REDIC1: variants seen among roughly 807,000 people sequenced by gnomAD.
The protein encoded by REDIC1 is HEI10 Interacting Protein 1.
chr12:39,657,644 C>T, the REDIC1 span, among the ~76,000 whole-genome samples: 1 of 152,024 alleles, frequency 6.6e-6, no homozygotes, highest in Non-Finnish European at 1.5e-5. Flanking sequence ...ATTTTGTCTA[C>T]CTTGTAGAAT....
At chr12:39,772,227 A>G in the REDIC1 span, among the ~76,000 whole-genome samples, 1 of 152,274 alleles carries the variant, frequency 6.6e-6, no homozygotes, top group Non-Finnish European at 1.5e-5. Context: ...ATGAGTTTGT[A>G]TCTCAGTTCT....
At chr12:39,678,625 A>G in the REDIC1 span, among the ~76,000 whole-genome samples, 4 of 48,012 alleles carry the variant, frequency 8.3e-5, no homozygotes, top group African/African-American at 2.8e-4. Context: ...AGGAAAAGGC[A>G]TAACAAAAAA....
the REDIC1 span, among the ~76,000 whole-genome samples, chr12:39,885,562 C>T: frequency 6.6e-6 from 1 of 152,100 alleles, no homozygotes; most frequent in African/African-American, 2.4e-5. Flanking sequence ...TTACAAAAAA[C>T]TTTCTCTGAA....
chr12:39,703,256 G>A, the REDIC1 span, among the ~76,000 whole-genome samples: 1 of 150,578 alleles, frequency 6.6e-6, no homozygotes, highest in African/African-American at 2.4e-5. Flanking sequence ...CAAAATCAAT[G>A]TACAAAAATC....
chr12:39,807,040 A>G, the REDIC1 span, among the ~76,000 whole-genome samples: 1 of 152,232 alleles, frequency 6.6e-6, no homozygotes, highest in Non-Finnish European at 1.5e-5. Flanking sequence ...AAAAAAACAC[A>G]TTAGGTTGGT....
At chr12:39,685,766 T>G in the REDIC1 span, among the ~76,000 whole-genome samples, 2 of 152,188 alleles carry the variant, frequency 1.3e-5, no homozygotes, top group African/African-American at 4.8e-5. Flanking sequence ...ACAAGGCAAG[T>G]CTCTTCCATC....
the REDIC1 span, among the ~76,000 whole-genome samples, chr12:39,643,166 C>A: frequency 4.6e-5 from 7 of 151,130 alleles, no homozygotes; most frequent in African/African-American, 1.7e-4. Flanking sequence ...ATGATGTAAC[C>A]TGAAAGAAAA....
chr12:39,883,003 A>G, the REDIC1 span, among the ~76,000 whole-genome samples: 313 of 152,218 alleles, frequency 2.1e-3, no homozygotes, highest in Non-Finnish European at 3.3e-3. Context: ...CTTAGTGTTT[A>G]TTTACATGAA....
chr12:39,793,962 G>T, the REDIC1 span, among the ~76,000 whole-genome samples: 1 of 151,630 alleles, frequency 6.6e-6, no homozygotes, highest in African/African-American at 2.4e-5. Context: ...GTCCACCTTG[G>T]CCAAGAAGAG....
chr12:39,834,871 A>C, the REDIC1 span, among the ~76,000 whole-genome samples: 1 of 152,094 alleles, frequency 6.6e-6, no homozygotes, highest in African/African-American at 2.4e-5. Flanking sequence ...ACAAAACTTT[A>C]AATATCCTGG....
chr12:39,877,119 CTGTT>C, the REDIC1 span, among the ~76,000 whole-genome samples: 2 of 152,112 alleles, frequency 1.3e-5, no homozygotes, highest in African/African-American at 4.8e-5. Flanking sequence ...TATTGGGAGA[CTGTT>C]TGTATACTCA....
chr12:39,726,663 C>G, the REDIC1 span, among the ~76,000 whole-genome samples: 2 of 152,090 alleles, frequency 1.3e-5, no homozygotes, highest in African/African-American at 4.8e-5. Flanking sequence ...ATTTATAATC[C>G]TTTGGGTATA....
the REDIC1 span, among the ~76,000 whole-genome samples, chr12:39,724,199 GA>G: frequency 6.6e-6 from 1 of 152,134 alleles, no homozygotes; most frequent in Non-Finnish European, 1.5e-5. Context: ...TCTTGGGCGG[GA>G]TAAGTCTTTG....
chr12:39,832,878 C>T, the REDIC1 span, among the ~76,000 whole-genome samples: 1 of 152,058 alleles, frequency 6.6e-6, no homozygotes, highest in Admixed American at 6.6e-5. Context: ...AGCCACACAG[C>T]CAAATGTAGC....
chr12:39,816,723 G>A, the REDIC1 span, among the ~76,000 whole-genome samples: 26 of 151,818 alleles, frequency 1.7e-4, no homozygotes, highest in African/African-American at 6.0e-4. Flanking sequence ...AAACAAATAA[G>A]CCTGTCCTTT....
At chr12:39,764,061 G>A in the REDIC1 span, among the ~76,000 whole-genome samples, 6 of 152,180 alleles carry the variant, frequency 3.9e-5, no homozygotes, top group African/African-American at 9.6e-5. Context: ...TGGACTGGAC[G>A]CTATGCCTGT....
the REDIC1 span, among the ~76,000 whole-genome samples, chr12:39,885,388 C>G: frequency 6.6e-6 from 1 of 152,098 alleles, no homozygotes; most frequent in Non-Finnish European, 1.5e-5. Flanking sequence ...GGGCTTTATT[C>G]AGTCATCTAA....
the REDIC1 span, among the ~76,000 whole-genome samples, chr12:39,901,170 C>T: frequency 1.3e-5 from 2 of 152,256 alleles, no homozygotes; most frequent in African/African-American, 4.8e-5. Context: ...CTTCCTTACA[C>T]CTTATACAAA....
At chr12:39,884,380 T>C in the REDIC1 span, among the ~76,000 whole-genome samples, 1 of 152,202 alleles carries the variant, frequency 6.6e-6, no homozygotes, top group Non-Finnish European at 1.5e-5. Context: ...TTCGCCAAAC[T>C]TCGTATTTTC....
Sources: gnomAD v4.1 joint callset for allele counts (sites outside exome capture counted in the v4.1 genomes callset) on GRCh38, gnomAD v4.1.1 for gene constraint, MANE v1.5 for transcripts, NCBI Gene and HGNC (gene_info 2026-07-23, HGNC 2026-07-21) for gene names.